CAMK4: variants seen among roughly 807,000 people sequenced by gnomAD.
CAMK4 encodes the protein calcium/calmodulin dependent protein kinase IV.
In CAMK4, 22 loss-of-function variants were observed where a neutral mutation model predicts 44.9. That is an observed-to-expected ratio of 0.49 (90% CI 0.35 to 0.70). The LOEUF is 0.70. Ranked by LOEUF, CAMK4 falls within the 30% of genes least tolerant of loss-of-function variation. CAMK4 has a pLI of 0.01. For synonymous variants in CAMK4, 218 were observed against 215.4 expected (o/e 1.01, Z -0.11); for missense variants, 498 against 586.8 (o/e 0.85, Z 1.56).
At chr5:111,467,226 T>A (rs1332793440) in intron 7 of CAMK4, among the ~76,000 whole-genome samples, 2 of 151,846 alleles carry the variant, frequency 1.3e-5, no homozygotes, top group South Asian at 4.1e-4. Flanking sequence ...CCTAACACCA[T>A]AAAAATTATA....
At chr5:111,267,850 T>C (rs1192093381) in intron 1 of CAMK4, among the ~76,000 whole-genome samples, 2 of 138,874 alleles carry the variant, frequency 1.4e-5, no homozygotes, top group African/African-American at 6.0e-5. Flanking sequence ...TAAATATTAG[T>C]GAGAATGCTG....
chr5:111,407,295 A>C (rs187849911), intron 5 of CAMK4, among the ~76,000 whole-genome samples: 1 of 151,612 alleles, frequency 6.6e-6, no homozygotes, highest in Admixed American at 6.6e-5. Context: ...AGGTTGCAGT[A>C]AGCTGAGATC....
chr5:111,332,186 C>G (rs371071964), intron 1 of CAMK4, among the ~76,000 whole-genome samples: 2 of 150,072 alleles, frequency 1.3e-5, no homozygotes, highest in Non-Finnish European at 3.0e-5. Flanking sequence ...CCCATTAACT[C>G]GTCATTTAGC....
chr5:111,354,978 T>A lies in CAMK4; in HGVS notation c.240+10876T>A, dbSNP rs147883654. On this transcript the variant is annotated intron_variant, in intron 2 of 10. Transcript: ENST00000282356. Reference sequence around the variant, plus strand: ...GATGTACATAAGAGGGATGGATGGTTCAATCTGGATGAAAGATATGCATCT... The same window carrying A: ...GATGTACATAAGAGGGATGGATGGTACAATCTGGATGAAAGATATGCATCT... 4.5e-3 allele frequency among the ~76,000 whole-genome samples: 689 copies of A among 152,268 alleles called. 5 individuals are homozygous for A. The highest frequency in any genetic ancestry group is 8.8e-3 in the Admixed American group (135 of 15,278).
At chr5:111,309,180 T>C (rs767343858) in intron 1 of CAMK4, among the ~76,000 whole-genome samples, 12 of 152,090 alleles carry the variant, frequency 7.9e-5, no homozygotes, top group Non-Finnish European at 1.6e-4. Flanking sequence ...GCTTAACAAT[T>C]GTTGTGCTTT....
intron 2 of CAMK4, among the ~76,000 whole-genome samples, chr5:111,369,065 AATTATT>A (rs951505996): frequency 6.7e-6 from 1 of 148,674 alleles, no homozygotes; most frequent in African/African-American, 2.5e-5. Context: ...TAATAATAAT[AATTATT>A]ATTATTATTA....
chr5:111,365,172 A>C (rs1022419174), intron 2 of CAMK4: 19 of 152,320 alleles, frequency 1.2e-4, no homozygotes, highest in Admixed American at 1.2e-3. Flanking sequence ...AAGAGGAAGA[A>C]TACTAGGAGA....
intron 7 of CAMK4, among the ~76,000 whole-genome samples, chr5:111,465,951 C>CAA (rs1754812402): frequency 6.6e-6 from 1 of 152,138 alleles, no homozygotes; most frequent in African/African-American, 2.4e-5. Flanking sequence ...ACATCCTTAA[C>CAA]AAAATACCAG....
chr5:111,248,677 G>A (rs1326680165), intron 1 of CAMK4, among the ~76,000 whole-genome samples: 2 of 152,068 alleles, frequency 1.3e-5, no homozygotes, highest in South Asian at 4.2e-4. Context: ...TATTTCCTCT[G>A]GACACCACTT....
chr5:111,363,070 A>G (rs1437960196), intron 2 of CAMK4, among the ~76,000 whole-genome samples: 1 of 152,102 alleles, frequency 6.6e-6, no homozygotes, highest in African/African-American at 2.4e-5. Flanking sequence ...CTATAGCCTG[A>G]AATGGGGGAG....
At chr5:111,267,703 CAAAAAAAAA>C (rs59699712) in intron 1 of CAMK4, among the ~76,000 whole-genome samples, 3 of 71,730 alleles carry the variant, frequency 4.2e-5, no homozygotes, top group African/African-American at 5.9e-5. Context: ...GACTCCGTCT[CAAAAAAAAA>C]AAAAAAAAAA....
intron 5 of CAMK4, among the ~76,000 whole-genome samples, chr5:111,439,631 A>G (rs1419990435): frequency 6.6e-6 from 1 of 152,220 alleles, no homozygotes; most frequent in Admixed American, 6.5e-5. Flanking sequence ...AATGGAATGT[A>G]AAGTAGAAAG....
At chr5:111,421,007 G>C (rs1016996367) in intron 5 of CAMK4, among the ~76,000 whole-genome samples, 2 of 152,120 alleles carry the variant, frequency 1.3e-5, no homozygotes, top group Non-Finnish European at 2.9e-5. Context: ...AAATCACAAG[G>C]GTATTGATTG....
In CAMK4 at chr5:111,480,866, A is replaced by G. The variant is rs563921113; in HGVS notation, c.829-1919A>G. ...TAAGTGAATAAGAGGGTTAGCTTTGATGTTCCTTCATTCAGCTAGATCCCT... is the reference window on the plus strand; with the variant it reads ...TAAGTGAATAAGAGGGTTAGCTTTGGTGTTCCTTCATTCAGCTAGATCCCT... On this transcript the variant is annotated intron_variant, in intron 9 of 10. Coordinates refer to ENST00000282356, the MANE Select transcript of CAMK4 (RefSeq NM_001744.6). 2.0e-5 allele frequency among the ~76,000 whole-genome samples: 3 copies of G among 152,262 alleles called. No homozygotes were observed. The East Asian group carries it at 5.8e-4, about 29-fold the overall frequency.
chr5:111,285,671 G>C (rs1403182236), intron 1 of CAMK4, among the ~76,000 whole-genome samples: 1 of 152,134 alleles, frequency 6.6e-6, no homozygotes, highest in Admixed American at 6.5e-5. Context: ...TGTGCTGTTA[G>C]AATAAAGTAG....
intron 6 of CAMK4, 27 bp downstream of exon 6, chr5:111,446,803 AC>A (rs1220792042): frequency 7.7e-6 from 11 of 1,430,634 alleles, no homozygotes; most frequent in Admixed American, 1.7e-5. Context: ...TTGTTTTGTG[AC>A]CCCTTTTTTC....
At chr5:111,459,333 A>G (rs745386017) in intron 7 of CAMK4, among the ~76,000 whole-genome samples, 3 of 152,202 alleles carry the variant, frequency 2.0e-5, no homozygotes, top group Non-Finnish European at 2.9e-5. Flanking sequence ...CATTCTAACA[A>G]CTAAAGCTGT....
chr5:111,379,594 G>T (rs540916310), intron 4 of CAMK4, among the ~76,000 whole-genome samples: 1 of 152,038 alleles, frequency 6.6e-6, no homozygotes, highest in Non-Finnish European at 1.5e-5. Flanking sequence ...AATACATTCT[G>T]CATTATTATC....
At chr5:111,291,571 T>C (rs1372532757) in intron 1 of CAMK4, among the ~76,000 whole-genome samples, 1 of 152,216 alleles carries the variant, frequency 6.6e-6, no homozygotes, top group African/African-American at 2.4e-5. Context: ...CAGGCTGGAG[T>C]GTAGTAGCAT....
Sources: gnomAD v4.1 joint callset for allele counts (sites outside exome capture counted in the v4.1 genomes callset) on GRCh38, gnomAD v4.1.1 for gene constraint, MANE v1.5 for transcripts, NCBI Gene and HGNC (gene_info 2026-07-23, HGNC 2026-07-21) for gene names.